Variants in RLN2 observed in about 807,000 individuals in gnomAD.
RLN2 encodes relaxin 2.
Under a neutral mutation model 7.3 loss-of-function variants are expected in RLN2, and 10 were observed. The ratio of observed to expected loss-of-function variants is 1.36; its 90% CI spans 0.84 to 2.31. The LOEUF is 2.31. RLN2 is among the 30% of genes most tolerant of loss of function. RLN2 has a pLI of 0.00. For synonymous variants in RLN2, 103 were observed against 82.3 expected (o/e 1.25, Z -1.36); for missense variants, 298 against 217.6 (o/e 1.37, Z -2.32).
the RLN2 span, among the ~76,000 whole-genome samples, chr9:5,319,804 A>C: frequency 6.6e-6 from 1 of 152,044 alleles, no homozygotes; most frequent in Admixed American, 6.6e-5. Context: ...AGAATTATGG[A>C]GCAGGACTCA....
At chr9:5,333,635 C>T in the RLN2 span, among the ~76,000 whole-genome samples, 13 of 151,942 alleles carry the variant, frequency 8.6e-5, no homozygotes, top group Non-Finnish European at 1.6e-4. Flanking sequence ...TTCGAAACAA[C>T]TGAAAAGGAG....
At chr9:5,301,460 T>C (rs778092799) in intron 1 of RLN2, among the ~76,000 whole-genome samples, 2 of 152,242 alleles carry the variant, frequency 1.3e-5, no homozygotes, top group Non-Finnish European at 1.5e-5. Context: ...TTAAACCCTC[T>C]CCTAACCTTA....
At position 5,304,530 on chromosome 9, in the gene RLN2, G is replaced by T; in HGVS notation, c.51C>A (p.Asn17Lys). The T allele has an allele frequency of 1.2e-6, 2 of 1,613,876 alleles. No homozygotes were observed. Among genetic ancestry groups the T allele is most frequent in the Non-Finnish European group, 1.7e-6 (2 of 1,179,938 alleles). The stretch of plus-strand genomic sequence containing the variant: ...AGTCCGCGACTGCTCTGGAAAATTG[G>T]TTCAGTAGTAAACAGACTCCTAGCA... ...FHLLGVCLLL[N>K]QFSRAVADSW... The change falls in exon 1 of 2, where the codon AAC becomes AAA. Residue 17 changes from asparagine to lysine, a missense_variant. Transcript: ENST00000381627.
In RLN2 at chr9:5,300,034, A is replaced by G; in HGVS notation, c.*64T>C. 1 of 991,524 alleles carries G rather than the reference A, an allele frequency of 1.0e-6. No individual in the cohort carries two copies. Among genetic ancestry groups the G allele is most frequent in the Non-Finnish European group, 1.5e-6 (1 of 662,002 alleles). The allele number at this position is 991,524 out of a possible 1,614,324, so 61.4% of individuals were successfully genotyped here. On this transcript the variant is annotated 3_prime_UTR_variant, in exon 2 of 2. Transcript: ENST00000381627. ...AGAATTGATGGGACCTGATAGAAGC[A>G]TCAGTGAAATGTCATTAAGAATATG... is the stretch of plus-strand genomic sequence containing the variant.
the RLN2 span, among the ~76,000 whole-genome samples, chr9:5,330,700 C>A: frequency 8.6e-6 from 1 of 115,664 alleles, no homozygotes. Context: ...CAAACAAATT[C>A]AAAAGCTAGC....
At chr9:5,325,697 C>T in the RLN2 span, among the ~76,000 whole-genome samples, 45 of 152,016 alleles carry the variant, frequency 3.0e-4, 1 homozygote, top group African/African-American at 5.3e-4. Flanking sequence ...TTATTCACTT[C>T]GGTTTGATGT....
the RLN2 span, among the ~76,000 whole-genome samples, chr9:5,335,788 A>G: frequency 6.6e-6 from 1 of 151,960 alleles, no homozygotes; most frequent in Non-Finnish European, 1.5e-5. Flanking sequence ...AAGTACCATA[A>G]TTTTACCAAG....
At chr9:5,325,162 G>A in the RLN2 span, among the ~76,000 whole-genome samples, 1 of 151,702 alleles carries the variant, frequency 6.6e-6, no homozygotes. Flanking sequence ...TTATTTTGTG[G>A]GGACAGGTGG....
intron 1 of RLN2, among the ~76,000 whole-genome samples, chr9:5,301,046 T>C (rs1197074479): frequency 2.0e-5 from 3 of 152,220 alleles, no homozygotes; most frequent in African/African-American, 7.2e-5. Flanking sequence ...CCAGAGTATT[T>C]ACTCCAAAAC....
chr9:5,314,539 G>C, the RLN2 span, among the ~76,000 whole-genome samples: 1 of 152,034 alleles, frequency 6.6e-6, no homozygotes, highest in African/African-American at 2.4e-5. Flanking sequence ...TCAGGGATGA[G>C]ATGACATGGT....
At chr9:5,328,941 A>G in the RLN2 span, among the ~76,000 whole-genome samples, 12 of 152,052 alleles carry the variant, frequency 7.9e-5, 1 homozygote, top group African/African-American at 2.9e-4. Flanking sequence ...AGCACTAAAC[A>G]TGGAAAGGAA....
chr9:5,331,148 C>A, the RLN2 span, among the ~76,000 whole-genome samples: 1 of 152,102 alleles, frequency 6.6e-6, no homozygotes, highest in Admixed American at 6.5e-5. Context: ...GATGGATTCA[C>A]AGCCAAATTC....
chr9:5,335,345 G>C, the RLN2 span: 4 of 1,613,118 alleles, frequency 2.5e-6, no homozygotes, highest in South Asian at 4.4e-5. Flanking sequence ...TTGAGAATGA[G>C]TATCCAAGCC....
chr9:5,300,884 G>C (rs1391200381), intron 1 of RLN2, among the ~76,000 whole-genome samples: 1 of 152,122 alleles, frequency 6.6e-6, no homozygotes, highest in South Asian at 2.1e-4. Flanking sequence ...CCTTGAAAAA[G>C]ATATTACTTT....
the RLN2 span, among the ~76,000 whole-genome samples, chr9:5,318,007 C>CGTGTGTGCGTGTGT: frequency 1.8e-4 from 26 of 148,064 alleles, no homozygotes; most frequent in African/African-American, 6.3e-4. Context: ...TGTGTGTGTG[C>CGTGTGTGCGTGTGT]GTGTGTGTGT....
At chr9:5,304,820 C>G, upstream of RLN2, 1 of 557,968 alleles carries the variant, frequency 1.8e-6, no homozygotes, top group Non-Finnish European at 3.2e-6. Flanking sequence ...GTCTCCCTCT[C>G]TGCCTTTCCT....
chr9:5,326,780 T>C, the RLN2 span, among the ~76,000 whole-genome samples: 2 of 152,028 alleles, frequency 1.3e-5, no homozygotes, highest in African/African-American at 4.8e-5. Flanking sequence ...TTTTTAAATT[T>C]AGGAAGAAAT....
intron 1 of RLN2, among the ~76,000 whole-genome samples, chr9:5,301,427 G>T (rs1183184904): frequency 6.6e-6 from 1 of 152,134 alleles, no homozygotes; most frequent in Non-Finnish European, 1.5e-5. Context: ...AATGTTTCTT[G>T]CTCTCAAAAA....
chr9:5,305,345 G>A (rs1244151739), upstream of RLN2, among the ~76,000 whole-genome samples: 1 of 144,424 alleles, frequency 6.9e-6, no homozygotes, highest in Non-Finnish European at 1.5e-5. Flanking sequence ...CATCTCTGGA[G>A]ACTGGAGAAC....
Sources: allele counts gnomAD v4.1 joint callset (sites outside exome capture counted in the v4.1 genomes callset), GRCh38; gene constraint gnomAD v4.1.1; transcripts MANE v1.5; gene names NCBI Gene and HGNC (gene_info 2026-07-23, HGNC 2026-07-21).